Variants in EPS15 observed in about 807,000 individuals in gnomAD.
The protein encoded by EPS15 is epidermal growth factor receptor substrate 15.
EPS15 carries 72 observed loss-of-function variants against 113.8 expected under a neutral mutation model. That is an observed-to-expected ratio of 0.63 (90% CI 0.52 to 0.77). The LOEUF is 0.77. Among genes scored for constraint, EPS15 ranks in the 30% least tolerant of loss-of-function variants. The pLI is 0.00. For missense variants in EPS15, 1,048 were observed against 1,045.8 expected (o/e 1.00, Z -0.03); for synonymous variants, 344 against 363.4 (o/e 0.95, Z 0.61).
Position 51,448,048 on chromosome 1 carries a change from T to C in EPS15, c.649A>G (p.Thr217Ala). 1 of 1,613,412 alleles carries C rather than the reference T, an allele frequency of 6.2e-7. No homozygotes were observed. Among genetic ancestry groups the C allele is most frequent in the Non-Finnish European group, 8.5e-7 (1 of 1,179,518 alleles). The change falls in exon 9 of 25, where the codon ACG becomes GCG. Residue 217 changes from threonine to alanine, a missense_variant and splice_region_variant. Thr to Ala is a moderately conservative substitution (Grantham distance 58). Transcript: ENST00000371733. The part of the protein sequence containing the change: ...PALVPPSKRK[T>A]WVVSPAEKAK... Reference sequence around the variant, plus strand: ...CGCACAGAGCCTGATATACTGACCGTTTTTCTCTTAGATGGTGGCACCAAG... The same window carrying C: ...CGCACAGAGCCTGATATACTGACCGCTTTTCTCTTAGATGGTGGCACCAAG...
intron 21 of EPS15, among the ~76,000 whole-genome samples, chr1:51,370,099 A>G (rs1444649672): frequency 6.6e-6 from 1 of 152,242 alleles, no homozygotes; most frequent in African/African-American, 2.4e-5. Context: ...ACAACAGGCT[A>G]CATATATGAT....
At chr1:51,378,061 A>G (rs1162951884) in intron 21 of EPS15, among the ~76,000 whole-genome samples, 1 of 151,932 alleles carries the variant, frequency 6.6e-6, no homozygotes, top group Non-Finnish European at 1.5e-5. Flanking sequence ...ACGCCTGGCT[A>G]ATTTTTTGTA....
intron 13 of EPS15, among the ~76,000 whole-genome samples, chr1:51,417,950 T>G (rs751712012): frequency 6.6e-6 from 1 of 152,164 alleles, no homozygotes; most frequent in Non-Finnish European, 1.5e-5. Context: ...GATTCCCACA[T>G]CTGAGAGTCA....
rs187479400 is a variant in EPS15, at chr1:51,379,630, A to G, written c.2120-13601T>C. On this transcript the variant is annotated intron_variant, in intron 21 of 24. Coordinates refer to ENST00000371733, the MANE Select transcript of EPS15 (RefSeq NM_001981.3). ...CTAGACCTACTCTATAAGAAATGCTAAAGGGGCTGGGAGCAGTGGCTCATG... is the reference window on the plus strand; with the variant it reads ...CTAGACCTACTCTATAAGAAATGCTGAAGGGGCTGGGAGCAGTGGCTCATG... 2.0e-5 allele frequency among the ~76,000 whole-genome samples: 3 copies of G among 152,308 alleles called. No individual in the cohort carries two copies. The East Asian group carries it at 5.8e-4, about 29-fold the overall frequency.
intron 5 of EPS15, among the ~76,000 whole-genome samples, chr1:51,466,472 A>C (rs1654849346): frequency 6.6e-6 from 1 of 151,602 alleles, no homozygotes; most frequent in African/African-American, 2.4e-5. Context: ...CAAAAAAAAA[A>C]TTTAGCCGGG....
At chr1:51,390,542 G>T (rs1647255645) in intron 21 of EPS15, among the ~76,000 whole-genome samples, 1 of 151,150 alleles carries the variant, frequency 6.6e-6, no homozygotes, top group African/African-American at 2.4e-5. Flanking sequence ...TACAAAATGG[G>T]AGAAAATTTT....
intron 24 of EPS15, 114 bp downstream of exon 24, chr1:51,361,057 T>C: frequency 1.3e-6 from 1 of 785,840 alleles, no homozygotes; most frequent in Non-Finnish European, 2.1e-6. Context: ...TGAAAGATCA[T>C]TTTTAGTATC....
intron 21 of EPS15, among the ~76,000 whole-genome samples, chr1:51,374,975 C>T (rs890224847): frequency 1.4e-5 from 2 of 146,544 alleles, no homozygotes; most frequent in African/African-American, 5.1e-5. Flanking sequence ...CTCGCCCAGC[C>T]ATAAAATATT....
At chr1:51,498,846 C>T (rs1261656707) in intron 1 of EPS15, among the ~76,000 whole-genome samples, 1 of 152,120 alleles carries the variant, frequency 6.6e-6, no homozygotes, top group Non-Finnish European at 1.5e-5. Context: ...CCAAAATATT[C>T]ATGTTGAAAC....
Position 51,416,942 on chromosome 1 carries a change from T to G in EPS15, c.1113+4844A>C, listed in dbSNP as rs1050275408. ...GATACACTGTTTTATCTGATGGAAG[T>G]TTTAGGACTATTCTTAACATTAAAA... is the stretch of plus-strand genomic sequence containing the variant. On this transcript the variant is annotated intron_variant, in intron 13 of 24. Transcript: ENST00000371733. Among the ~76,000 whole-genome samples the G allele has an allele frequency of 3.2e-4, 49 of 151,776 alleles. 1 individual carries two copies. The highest frequency in any genetic ancestry group is 5.9e-5 in the Non-Finnish European group (4 of 67,902).
At chr1:51,451,144 T>C (rs1448270618) in intron 8 of EPS15, among the ~76,000 whole-genome samples, 5 of 151,796 alleles carry the variant, frequency 3.3e-5, no homozygotes, top group African/African-American at 1.2e-4. Context: ...GGGTTATCTT[T>C]TGTGGTAAGG....
At chr1:51,410,956 T>C (rs1460134842) in intron 13 of EPS15, among the ~76,000 whole-genome samples, 1 of 152,192 alleles carries the variant, frequency 6.6e-6, no homozygotes, top group Non-Finnish European at 1.5e-5. Flanking sequence ...TCATTTCATA[T>C]TTTACAGATG....
chr1:51,433,604 G>A (rs1196715641), intron 12 of EPS15, among the ~76,000 whole-genome samples: 2 of 152,174 alleles, frequency 1.3e-5, no homozygotes, highest in African/African-American at 2.4e-5. Context: ...GGAAAACTTC[G>A]TGGAAATGAA....
intron 8 of EPS15, among the ~76,000 whole-genome samples, chr1:51,459,671 A>T (rs964365395): frequency 6.6e-6 from 1 of 152,160 alleles, no homozygotes; most frequent in Non-Finnish European, 1.5e-5. Flanking sequence ...TTTATAGACT[A>T]TATTTTTCTA....
At chr1:51,406,138 GA>G in intron 15 of EPS15, 30 bp from the exon 16 acceptor site, 2 of 1,585,768 alleles carry the variant, frequency 1.3e-6, no homozygotes, top group South Asian at 2.2e-5. Context: ...ATATAGAACA[GA>G]ATTTATTACT....
At chr1:51,383,119 GA>G (rs1646978911) in intron 21 of EPS15, among the ~76,000 whole-genome samples, 1 of 152,100 alleles carries the variant, frequency 6.6e-6, no homozygotes, top group Non-Finnish European at 1.5e-5. Context: ...AGAATGAGGG[GA>G]AAAATACAAC....
rs1644013796 is a variant in EPS15, at chr1:51,481,170, A to G, written c.75+103T>C. On this transcript the variant is annotated intron_variant, in intron 2 of 24. Coordinates refer to ENST00000371733, the MANE Select transcript of EPS15 (RefSeq NM_001981.3). ...GTAAACAAGATGTTGAAAACAAGAC[A>G]CATCAAATTTATCGAGCTAGCTGGT... The G allele has an allele frequency of 6.9e-6, 5 of 725,480 alleles. No homozygotes were observed. In the South Asian group the frequency reaches 7.8e-5, roughly 11 times the overall value. The allele number at this position is 725,480 out of a possible 1,614,324, so 44.9% of individuals were successfully genotyped here. A position where few individuals can be genotyped will look rare whatever the true frequency, so the allele number is the denominator to read the frequency against.
chr1:51,391,455 T>TAATAAAATAA (rs57219279), intron 21 of EPS15, among the ~76,000 whole-genome samples: 3,445 of 148,296 alleles, frequency 0.023, 39 homozygotes, highest in Middle Eastern at 0.038. Flanking sequence ...CCTAAAACTT[T>TAATAAAATAA]AATAAAATAA....
rs1654768250 is a variant in EPS15, at chr1:51,465,318, G to A, written c.318C>T (p.Thr106=). The A allele has an allele frequency of 3.1e-6, 5 of 1,607,152 alleles. No homozygotes were observed. The highest frequency in any genetic ancestry group is 4.3e-6 in the Non-Finnish European group (5 of 1,174,928). The change falls in exon 6 of 25, where the codon ACC becomes ACT. Residue 106 remains threonine (T), a synonymous_variant. Transcript: ENST00000371733. ...TTCCACTGATTAGCAAAGGACTACT[G>A]GTATCATGCTATAGAAGAAAGTAAA... ...LAVPPPRFHD[T]SSPLLISGTS...
Sources: allele counts gnomAD v4.1 joint callset (sites outside exome capture counted in the v4.1 genomes callset), GRCh38; gene constraint gnomAD v4.1.1; transcripts MANE v1.5; gene names NCBI Gene and HGNC (gene_info 2026-07-23, HGNC 2026-07-21).